The following OSBPL9 variants were observed in gnomAD, a reference collection of about 807,000 sequenced individuals.
The protein encoded by OSBPL9 is oxysterol binding protein like 9.
A neutral mutation model predicts 106.6 loss-of-function variants in OSBPL9; 40 were observed. The observed-to-expected ratio is 0.38, with a 90% CI of 0.29 to 0.49. The LOEUF (loss-of-function observed/expected upper bound fraction) is 0.49. Ranked by LOEUF, OSBPL9 falls within the 20% of genes least tolerant of loss-of-function variation. The pLI, the probability that OSBPL9 is intolerant of heterozygous loss-of-function variation, is 0.97. For synonymous variants in OSBPL9, 269 were observed against 295.4 expected (o/e 0.91, Z 0.92); for missense variants, 609 against 887.2 (o/e 0.69, Z 3.98).
chr1:51,701,230 G>T (rs772112774), intron 3 of OSBPL9, among the ~76,000 whole-genome samples: 1 of 152,152 alleles, frequency 6.6e-6, no homozygotes, highest in Non-Finnish European at 1.5e-5. Context: ...GTGAGCCACC[G>T]CGCCCGGCCC....
At chr1:51,748,022 C>T (rs1668395380) in intron 6 of OSBPL9, among the ~76,000 whole-genome samples, 1 of 152,146 alleles carries the variant, frequency 6.6e-6, no homozygotes, top group Non-Finnish European at 1.5e-5. Flanking sequence ...ATCTCCTGAC[C>T]TCATGATCCG....
chr1:51,661,062 C>T (rs539633230), intron 2 of OSBPL9, among the ~76,000 whole-genome samples: 1 of 152,244 alleles, frequency 6.6e-6, no homozygotes, highest in South Asian at 2.1e-4. Context: ...CTGCCTAAAT[C>T]TCAGGGACCA....
At chr1:51,669,768 G>A (rs1649425706) in intron 3 of OSBPL9, 1 of 590,520 alleles carries the variant, frequency 1.7e-6, no homozygotes, top group Non-Finnish European at 3.2e-6. Flanking sequence ...ATCAGTGAAG[G>A]GAGAGAGTAA....
At chr1:51,744,807 A>G (rs1010765582) in intron 4 of OSBPL9, among the ~76,000 whole-genome samples, 1 of 152,358 alleles carries the variant, frequency 6.6e-6, no homozygotes, top group African/African-American at 2.4e-5. Flanking sequence ...TAAGAATCCC[A>G]TGCTCTTGGA....
At chr1:51,519,405 T>TGCCTGCCC in the OSBPL9 span, 1 of 207,466 alleles carries the variant, frequency 4.8e-6, no homozygotes, top group Non-Finnish European at 9.8e-6. Context: ...CCCGCCCGCC[T>TGCCTGCCC]GCCCGCCCGC....
chr1:51,557,871 C>T, the OSBPL9 span, among the ~76,000 whole-genome samples: 5 of 152,178 alleles, frequency 3.3e-5, no homozygotes, highest in East Asian at 9.6e-4. Flanking sequence ...AAAAATCTGA[C>T]ATAGGAAAAT....
chr1:51,543,674 C>A, the OSBPL9 span, among the ~76,000 whole-genome samples: 3 of 152,300 alleles, frequency 2.0e-5, no homozygotes, highest in East Asian at 5.8e-4. Context: ...GGATTACAGG[C>A]GTGAGCCACT....
intron 1 of OSBPL9, among the ~76,000 whole-genome samples, chr1:51,579,856 A>AAAT (rs34556128): frequency 0.057 from 8,229 of 143,788 alleles, 276 homozygotes; most frequent in Admixed American, 0.097. Flanking sequence ...CTCTGTCTCA[A>AAAT]AATAATAATA....
At chr1:51,733,606 C>G (rs1664963715) in intron 4 of OSBPL9, among the ~76,000 whole-genome samples, 1 of 152,092 alleles carries the variant, frequency 6.6e-6, no homozygotes, top group Non-Finnish European at 1.5e-5. Flanking sequence ...AAAACCTCAT[C>G]TCTAATAAAC....
At chr1:51,784,719 G>A (rs1677198339) in intron 20 of OSBPL9, 137 bp downstream of exon 20, 2 of 1,040,338 alleles carry the variant, frequency 1.9e-6, no homozygotes, top group South Asian at 3.3e-5. Context: ...TATGTGTCAT[G>A]TCTTTTGCTG....
At chr1:51,780,357 C>G (rs1676083251) in intron 15 of OSBPL9, among the ~76,000 whole-genome samples, 1 of 152,064 alleles carries the variant, frequency 6.6e-6, no homozygotes, top group Non-Finnish European at 1.5e-5. Context: ...TTCAGCAGTC[C>G]CACTCCTGGG....
At chr1:51,538,496 T>C in the OSBPL9 span, 1 of 152,236 alleles carries the variant, frequency 6.6e-6, no homozygotes, top group Non-Finnish European at 1.5e-5. Flanking sequence ...ATATTACTTA[T>C]TTAAATATAG....
intron 8 of OSBPL9, among the ~76,000 whole-genome samples, chr1:51,755,041 A>T (rs1321053491): frequency 6.6e-6 from 1 of 152,150 alleles, no homozygotes; most frequent in African/African-American, 2.4e-5. Flanking sequence ...TCTTGGCTTC[A>T]AGTGATTCTC....
intron 1 of OSBPL9, among the ~76,000 whole-genome samples, chr1:51,578,455 T>G (rs1239360944): frequency 6.6e-6 from 1 of 152,178 alleles, no homozygotes; most frequent in East Asian, 1.9e-4. Flanking sequence ...TCCCTTTAAC[T>G]TTTCACATTT....
chr1:51,773,193 C>A (rs1674325321), intron 14 of OSBPL9, among the ~76,000 whole-genome samples: 1 of 152,158 alleles, frequency 6.6e-6, no homozygotes. Context: ...TCAAGCGATT[C>A]TCCTGCCTCA....
intron 3 of OSBPL9, among the ~76,000 whole-genome samples, chr1:51,674,234 A>T (rs1251704849): frequency 6.8e-6 from 1 of 147,698 alleles, no homozygotes; most frequent in Non-Finnish European, 1.5e-5. Flanking sequence ...TGGCTGACTA[A>T]TTTTTTTTTT....
upstream of OSBPL9, among the ~76,000 whole-genome samples, chr1:51,616,372 C>T (rs1644059220): frequency 6.6e-6 from 1 of 152,184 alleles, no homozygotes. Flanking sequence ...CCCTGGCTCA[C>T]TGCTCCACGC....
intron 14 of OSBPL9, among the ~76,000 whole-genome samples, chr1:51,776,122 G>A (rs191323402): frequency 1.3e-5 from 2 of 151,682 alleles, no homozygotes; most frequent in African/African-American, 2.4e-5. Flanking sequence ...ATGTCTTCCC[G>A]TATTCCAGTT....
chr1:51,765,083 T>C (rs1672292230), intron 11 of OSBPL9, among the ~76,000 whole-genome samples: 1 of 152,246 alleles, frequency 6.6e-6, no homozygotes. Context: ...TGATACTTTT[T>C]TGTTCTTGCT....
Sources: gnomAD v4.1 joint callset for allele counts (sites outside exome capture counted in the v4.1 genomes callset) on GRCh38, gnomAD v4.1.1 for gene constraint, MANE v1.5 for transcripts, NCBI Gene and HGNC (gene_info 2026-07-23, HGNC 2026-07-21) for gene names.